TNPO3: variants seen among roughly 807,000 people sequenced by gnomAD.
TNPO3 encodes transportin 3, also known as transportin-3.
A neutral mutation model predicts 122.8 loss-of-function variants in TNPO3; 65 were observed. That is an observed-to-expected ratio of 0.53 (90% CI 0.43 to 0.65). TNPO3 has a LOEUF of 0.65. TNPO3 is among the 30% of genes least tolerant of loss of function. The pLI is 0.00. For missense variants in TNPO3, 850 were observed against 1,136.7 expected, an observed-to-expected ratio of 0.75 and a Z score of 3.63; for synonymous variants, 372 against 411.2, an observed-to-expected ratio of 0.90 and a Z score of 1.15.
chr7:129,005,782 C>CTTTTTT (rs1186834521), intron 4 of TNPO3, among the ~76,000 whole-genome samples: 30 of 132,248 alleles, frequency 2.3e-4, no homozygotes, highest in Non-Finnish European at 3.7e-4. Flanking sequence ...CTTTTCTTTT[C>CTTTTTT]TTTTTTTTTT....
In TNPO3 at chr7:129,001,100, C is replaced by G. The variant is rs748070271; in HGVS notation, c.831G>C (p.Glu277Asp). 5.0e-6 allele frequency: 8 copies of G among 1,614,068 alleles called. No homozygotes were observed. The highest frequency in any genetic ancestry group is 5.9e-6 in the Non-Finnish European group (7 of 1,180,020). Residue 277 changes from glutamate (E) to aspartate (D), a missense_variant, in exon 6 of 23, where the codon GAG (glutamate) becomes GAC (aspartate). Physicochemically the swap from Glu to Asp is conservative, Grantham distance 45. Coordinates refer to ENST00000265388, the MANE Select transcript of TNPO3 (RefSeq NM_012470.4). ...MQLFQGVLTL[E>D]TAYHMAVARE... ...GTGCCACGGCCATATGATAGGCAGT[C>G]TCCAATGTCAGCACTCCCTGAAAAA...
chr7:128,982,689 T>C (rs1799750845), intron 13 of TNPO3, among the ~76,000 whole-genome samples: 2 of 152,052 alleles, frequency 1.3e-5, no homozygotes, highest in African/African-American at 4.8e-5. Flanking sequence ...AGATTATATA[T>C]TTAGCTTTAT....
intron 1 of TNPO3, among the ~76,000 whole-genome samples, chr7:129,035,099 C>T (rs887630075): frequency 6.6e-6 from 1 of 150,952 alleles, no homozygotes; most frequent in Non-Finnish European, 1.5e-5. Flanking sequence ...ATGGTGAAAC[C>T]CTGTCTCTAC....
intron 1 of TNPO3, among the ~76,000 whole-genome samples, chr7:129,045,780 A>G (rs144719299): frequency 1.6e-3 from 247 of 152,330 alleles, no homozygotes; most frequent in Non-Finnish European, 2.2e-3. Context: ...GCCACCACAT[A>G]ACAGACTACC....
At chr7:129,012,591 C>T (rs932793867) in intron 4 of TNPO3, among the ~76,000 whole-genome samples, 3 of 152,228 alleles carry the variant, frequency 2.0e-5, no homozygotes, top group African/African-American at 4.8e-5. Flanking sequence ...ACTCAGAAAT[C>T]CTAAATACTA....
intron 1 of TNPO3, among the ~76,000 whole-genome samples, chr7:129,042,531 C>T (rs1807507491): frequency 1.3e-5 from 2 of 152,212 alleles, no homozygotes; most frequent in South Asian, 4.1e-4. Flanking sequence ...GTCTAATTTA[C>T]CTCAAACAGA....
chr7:128,999,459 C>T (rs1039085514), intron 7 of TNPO3, among the ~76,000 whole-genome samples: 8 of 152,102 alleles, frequency 5.3e-5, no homozygotes, highest in Non-Finnish European at 7.4e-5. Flanking sequence ...AACAAATAAA[C>T]GTTGTCTTGT....
intron 1 of TNPO3, among the ~76,000 whole-genome samples, chr7:129,053,665 A>T (rs1019859467): frequency 6.6e-6 from 1 of 152,170 alleles, no homozygotes; most frequent in Admixed American, 6.5e-5. Flanking sequence ...AGGGGGCCAA[A>T]AAAAATATGG....
intron 21 of TNPO3, among the ~76,000 whole-genome samples, chr7:128,958,222 C>A (rs1797094472): frequency 7.0e-6 from 1 of 141,946 alleles, no homozygotes; most frequent in Admixed American, 7.5e-5. Flanking sequence ...CAGCTCACTG[C>A]AACTTCCGCC....
At chr7:128,966,164 T>C (rs1320515881) in intron 21 of TNPO3, among the ~76,000 whole-genome samples, 5 of 152,222 alleles carry the variant, frequency 3.3e-5, no homozygotes, top group Non-Finnish European at 7.4e-5. Context: ...TTTTAACCTT[T>C]ACAATTTATC....
intron 21 of TNPO3, among the ~76,000 whole-genome samples, chr7:128,965,788 G>A (rs534508296): frequency 6.6e-6 from 1 of 152,328 alleles, no homozygotes; most frequent in South Asian, 2.1e-4. Context: ...CTACAACATA[G>A]ATGAATCCTA....
chr7:128,979,873 T>C (rs1465004405), intron 15 of TNPO3, 98 bp downstream of exon 15: 3 of 1,072,432 alleles, frequency 2.8e-6, no homozygotes, highest in Non-Finnish European at 4.3e-6. Flanking sequence ...AATCTCCCTA[T>C]GAACTTGGAA....
chr7:128,975,958 G>A, intron 16 of TNPO3, 23 bp from the exon 17 acceptor site: 1 of 1,510,918 alleles, frequency 6.6e-7, no homozygotes. Context: ...AAAACAATTA[G>A]TTCAATGCTT....
At chr7:129,004,437 T>C (rs1015872470) in intron 5 of TNPO3, among the ~76,000 whole-genome samples, 8 of 152,220 alleles carry the variant, frequency 5.3e-5, no homozygotes, top group Non-Finnish European at 1.0e-4. Context: ...CTACCAAGAC[T>C]ATATTACTAG....
In TNPO3 at chr7:128,997,557, T is replaced by C. The variant is rs757229419; in HGVS notation, c.1012-22A>G. On this transcript the variant is annotated intron_variant, in intron 7 of 22. Transcript: ENST00000265388. ...CTACCTGTTAGGTTAAAAGAGATGA[T>C]TTATTTGAATGGGAAAGGAATAGAA... 31 of 1,598,114 alleles carry C rather than the reference T, an allele frequency of 1.9e-5. No individual in the cohort carries two copies. The South Asian group carries it at 3.0e-4, about 15-fold the overall frequency.
intron 1 of TNPO3, among the ~76,000 whole-genome samples, chr7:129,032,620 A>C (rs1386069055): frequency 6.6e-6 from 1 of 152,224 alleles, no homozygotes; most frequent in African/African-American, 2.4e-5. Context: ...ATAAAAACGA[A>C]TAAAATACTC....
intron 5 of TNPO3, among the ~76,000 whole-genome samples, chr7:129,002,361 CA>C (rs1473138640): frequency 6.6e-6 from 1 of 152,132 alleles, no homozygotes; most frequent in Non-Finnish European, 1.5e-5. Flanking sequence ...ACAACTGATG[CA>C]AATCAGAGCA....
rs112466155 is a variant in TNPO3 at position 129,002,857 on chromosome 7, G to T, written c.697-1623C>A. ...CACGAGGTCAGGAGATCGAGACCACGGTGAAACCCCATCTCTACTAAAAAT... is the reference window on the plus strand; with the variant it reads ...CACGAGGTCAGGAGATCGAGACCACTGTGAAACCCCATCTCTACTAAAAAT... On this transcript the variant is annotated intron_variant, in intron 5 of 22. Transcript: ENST00000265388. Among the ~76,000 whole-genome samples, 324 of 151,752 alleles carry T rather than the reference G, an allele frequency of 2.1e-3. 3 individuals carry two copies. Among genetic ancestry groups the T allele is most frequent in the African/African-American group, 7.3e-3 (301 of 41,388 alleles).
At chr7:128,977,381 G>A (rs567494822) in intron 16 of TNPO3, among the ~76,000 whole-genome samples, 400 of 152,288 alleles carry the variant, frequency 2.6e-3, no homozygotes, top group Middle Eastern at 0.014. Flanking sequence ...GCCTAAATGC[G>A]AACATACATT....
Sources: gnomAD v4.1 joint callset for allele counts (sites outside exome capture counted in the v4.1 genomes callset) on GRCh38, gnomAD v4.1.1 for gene constraint, MANE v1.5 for transcripts, NCBI Gene and HGNC (gene_info 2026-07-23, HGNC 2026-07-21) for gene names.